Variants in DYM observed in about 807,000 individuals in gnomAD.
DYM encodes the protein dyggve-Melchior-Clausen syndrome protein.
DYM carries 78 observed loss-of-function variants against 93.1 expected under a neutral mutation model. The observed-to-expected ratio is 0.84, with a 90% CI of 0.70 to 1.01. DYM has a LOEUF of 1.01. Ranked by LOEUF, DYM falls within the 50% of genes least tolerant of loss-of-function variation. The pLI, the probability that DYM is intolerant of heterozygous loss-of-function variation, is 0.00. For missense variants in DYM, 789 were observed against 845.0 expected (o/e 0.93, Z 0.82); for synonymous variants, 321 against 319.7 (o/e 1.00, Z -0.04).
chr18:49,317,627 C>CTCCTCT (rs573051080), intron 8 of DYM, among the ~76,000 whole-genome samples: 14 of 24,386 alleles, frequency 5.7e-4, no homozygotes, highest in Non-Finnish European at 7.4e-4. Context: ...CTCCCTCCCT[C>CTCCTCT]CCTCTCCTAT....
chr18:49,448,239 C>T (rs150512095), intron 1 of DYM, among the ~76,000 whole-genome samples: 275 of 152,216 alleles, frequency 1.8e-3, no homozygotes, highest in African/African-American at 6.2e-3. Flanking sequence ...GCCATTCAAT[C>T]CCTAAGTTTT....
chr18:49,334,081 T>G (rs2063501502), intron 6 of DYM, among the ~76,000 whole-genome samples: 2 of 152,212 alleles, frequency 1.3e-5, no homozygotes, highest in South Asian at 4.1e-4. Context: ...TTCCCTATTT[T>G]CCAGTTTCCA....
At chr18:49,108,115 C>G (rs975555608) in intron 16 of DYM, among the ~76,000 whole-genome samples, 4 of 152,248 alleles carry the variant, frequency 2.6e-5, no homozygotes, top group Admixed American at 6.5e-5. Context: ...GCGGATGCCC[C>G]TCCCCCAGCC....
chr18:49,088,526 A>G (rs2078759698), intron 17 of DYM, among the ~76,000 whole-genome samples: 1 of 150,110 alleles, frequency 6.7e-6, no homozygotes, highest in Admixed American at 6.7e-5. Flanking sequence ...AAACCTGCAC[A>G]TTGTGCACAT....
chr18:49,101,599 C>T (rs1389319182), intron 16 of DYM, among the ~76,000 whole-genome samples: 1 of 152,136 alleles, frequency 6.6e-6, no homozygotes, highest in Non-Finnish European at 1.5e-5. Flanking sequence ...TGCTTGCTTG[C>T]TAAAAATGGC....
At chr18:49,164,787 A>G (rs748078517) in intron 14 of DYM, among the ~76,000 whole-genome samples, 13 of 152,182 alleles carry the variant, frequency 8.5e-5, no homozygotes, top group Non-Finnish European at 5.9e-5. Context: ...AGAAGATAAA[A>G]ATCAATGAAC....
intron 11 of DYM, among the ~76,000 whole-genome samples, chr18:49,264,981 G>T (rs574208572): frequency 6.6e-6 from 1 of 152,280 alleles, no homozygotes; most frequent in South Asian, 2.1e-4. Flanking sequence ...TCATTTAACC[G>T]TTACCACAGG....
intron 8 of DYM, among the ~76,000 whole-genome samples, chr18:49,299,564 A>G (rs1465340696): frequency 2.0e-5 from 3 of 152,106 alleles, no homozygotes; most frequent in Admixed American, 6.6e-5. Flanking sequence ...CAACCCTGAC[A>G]TGCATACCCA....
At chr18:49,047,039 T>A (rs1487488645) in intron 17 of DYM, among the ~76,000 whole-genome samples, 1 of 152,210 alleles carries the variant, frequency 6.6e-6, no homozygotes, top group Non-Finnish European at 1.5e-5. Flanking sequence ...AAGAGTTACA[T>A]CTTGAACAAG....
intron 15 of DYM, among the ~76,000 whole-genome samples, chr18:49,154,854 AGTCT>A (rs1201958070): frequency 2.6e-5 from 4 of 152,232 alleles, no homozygotes; most frequent in Admixed American, 2.0e-4. Flanking sequence ...GAGATCTTTC[AGTCT>A]GACTCCCCAG....
intron 2 of DYM, among the ~76,000 whole-genome samples, chr18:49,426,584 A>G (rs2074313521): frequency 6.6e-6 from 1 of 151,528 alleles, no homozygotes; most frequent in Non-Finnish European, 1.5e-5. Flanking sequence ...TATTGCCAAA[A>G]GATATAAACA....
chr18:49,439,279 A>G (rs1338169397), intron 1 of DYM, among the ~76,000 whole-genome samples: 2 of 152,192 alleles, frequency 1.3e-5, no homozygotes, highest in African/African-American at 4.8e-5. Context: ...GCTATTGCTG[A>G]TGCTTTTAGT....
chr18:49,435,037 A>G (rs1272302740), intron 1 of DYM, among the ~76,000 whole-genome samples: 1 of 151,758 alleles, frequency 6.6e-6, no homozygotes, highest in Non-Finnish European at 1.5e-5. Context: ...GTAAAACCTC[A>G]TCTCTACTAA....
rs1489021109 is a variant in DYM, at chr18:49,180,999, A to G, written c.1626-17212T>C. ...ATTCTAACTTCAAAAAACCAAAACC[A>G]AACAAACAAAAAAAACTGTGCAAAC... On this transcript the variant is annotated intron_variant, in intron 14 of 17. Coordinates refer to ENST00000675505, the MANE Select transcript of DYM (RefSeq NM_001353214.3). Among the ~76,000 whole-genome samples, 3 of 152,160 alleles carry G rather than the reference A, an allele frequency of 2.0e-5. No homozygotes were observed. The East Asian group carries it at 5.8e-4, about 29-fold the overall frequency.
intron 6 of DYM, among the ~76,000 whole-genome samples, chr18:49,341,909 T>C (rs1238799976): frequency 6.6e-6 from 1 of 152,228 alleles, no homozygotes; most frequent in Non-Finnish European, 1.5e-5. Flanking sequence ...GAATATGTTC[T>C]ATCAGCACTG....
intron 17 of DYM, among the ~76,000 whole-genome samples, chr18:49,053,556 G>C (rs2075213763): frequency 6.6e-6 from 1 of 152,230 alleles, no homozygotes; most frequent in South Asian, 2.1e-4. Flanking sequence ...ACTGTTGGCA[G>C]ATGGCGCAGG....
intron 8 of DYM, among the ~76,000 whole-genome samples, chr18:49,327,997 T>A (rs1250887410): frequency 6.6e-6 from 1 of 152,196 alleles, no homozygotes; most frequent in Non-Finnish European, 1.5e-5. Context: ...AGGGGTCTGA[T>A]GAACTGAGCT....
Position 49,040,959 on chromosome 18 carries a change from T to C in DYM, c.*3096A>G, listed in dbSNP as rs1219497339. Among the ~76,000 whole-genome samples, 3 of 152,256 alleles carry C rather than the reference T, an allele frequency of 2.0e-5. No individual in the cohort carries two copies. The highest frequency in any genetic ancestry group is 1.9e-4 in the East Asian group (1 of 5,204). On this transcript the variant is annotated 3_prime_UTR_variant, in exon 18 of 18. Transcript: ENST00000675505. Reference sequence around the variant, plus strand: ...CTTAGGAAGTTGCTGAGTGTTCTGATGCTGGTCCTGTGTCCTTTCCACTTT... The same window carrying C: ...CTTAGGAAGTTGCTGAGTGTTCTGACGCTGGTCCTGTGTCCTTTCCACTTT...
chr18:49,056,290 GA>G (rs2075471796), intron 17 of DYM, among the ~76,000 whole-genome samples: 1 of 152,186 alleles, frequency 6.6e-6, no homozygotes, highest in African/African-American at 2.4e-5. Context: ...TGTCAGAGTA[GA>G]AAAGAAAGAG....
Sources: gnomAD v4.1 joint callset for allele counts (sites outside exome capture counted in the v4.1 genomes callset) on GRCh38, gnomAD v4.1.1 for gene constraint, MANE v1.5 for transcripts, NCBI Gene and HGNC (gene_info 2026-07-23, HGNC 2026-07-21) for gene names.